The following WDR7 variants were observed in gnomAD, a reference collection of about 807,000 sequenced individuals.
WDR7 encodes the protein WD repeat domain 7, also known as WD repeat-containing protein 7.
In WDR7, 46 loss-of-function variants were observed where a neutral mutation model predicts 169.4. The observed-to-expected ratio is 0.27, with a 90% CI of 0.21 to 0.35. The LOEUF is 0.35. Ranked by LOEUF, WDR7 falls within the 10% of genes least tolerant of loss-of-function variation. The pLI is 1.00. For synonymous variants in WDR7, 612 were observed against 666.8 expected, an observed-to-expected ratio of 0.92 and a Z score of 1.27; for missense variants, 1,534 against 1,859.3, an observed-to-expected ratio of 0.83 and a Z score of 3.22.
At chr18:56,756,490 A>G in intron 14 of WDR7, 93 bp from the exon 15 acceptor site, 1 of 1,136,964 alleles carries the variant, frequency 8.8e-7, no homozygotes. Context: ...CTTAATAAGC[A>G]TGTTAATTCC....
chr18:56,938,449 T>C, intron 23 of WDR7, 84 bp from the exon 24 acceptor site: 2 of 1,524,320 alleles, frequency 1.3e-6, no homozygotes, highest in South Asian at 2.5e-5. Flanking sequence ...TTCTATAGTA[T>C]TAGAAAGTAA....
At chr18:56,693,774 G>A (rs2025633576) in intron 9 of WDR7, among the ~76,000 whole-genome samples, 1 of 151,948 alleles carries the variant, frequency 6.6e-6, no homozygotes, top group Non-Finnish European at 1.5e-5. Flanking sequence ...GTTTCACCAT[G>A]TTGGCCAGGC....
intron 25 of WDR7, among the ~76,000 whole-genome samples, chr18:56,944,372 G>C (rs1453197108): frequency 2.0e-5 from 3 of 152,072 alleles, no homozygotes; most frequent in Non-Finnish European, 2.9e-5. Context: ...ATTTCTCTAA[G>C]ATTTTCTTTA....
At chr18:56,725,751 T>A (rs1598993271) in intron 13 of WDR7, among the ~76,000 whole-genome samples, 5 of 152,294 alleles carry the variant, frequency 3.3e-5, no homozygotes, top group Admixed American at 2.6e-4. Context: ...CTGAATGGTA[T>A]TGCCTAGGTT....
chr18:56,957,315 A>C (rs1055320240), intron 25 of WDR7: 10 of 152,258 alleles, frequency 6.6e-5, no homozygotes, highest in Admixed American at 4.6e-4. Context: ...TTACTAGAGA[A>C]ATTGCTCTGA....
chr18:56,813,460 T>G (rs2044910452), intron 19 of WDR7, among the ~76,000 whole-genome samples: 1 of 125,668 alleles, frequency 8.0e-6, no homozygotes, highest in African/African-American at 4.5e-5. Flanking sequence ...TTCTTAGAGG[T>G]TTTTTTTTTC....
At chr18:56,992,523 A>G (rs1787462) in intron 26 of WDR7, among the ~76,000 whole-genome samples, 93,700 of 152,032 alleles carry the variant, frequency 0.62, 29,443 homozygotes, top group Middle Eastern at 0.73. Context: ...GGCCAAAAGT[A>G]GAAATTAACA....
chr18:56,999,537 G>T (rs989570397), intron 26 of WDR7, among the ~76,000 whole-genome samples: 4 of 152,042 alleles, frequency 2.6e-5, no homozygotes, highest in Admixed American at 6.6e-5. Context: ...TCTCCATGAT[G>T]TCAGCCCCTA....
At chr18:56,727,005 C>T (rs989304937) in intron 13 of WDR7, among the ~76,000 whole-genome samples, 16 of 152,024 alleles carry the variant, frequency 1.1e-4, no homozygotes, top group Admixed American at 8.5e-4. Flanking sequence ...CTTTCTTCAC[C>T]CTGGTAGTCT....
chr18:56,654,005 T>C (rs1391764883), intron 1 of WDR7, among the ~76,000 whole-genome samples: 1 of 152,220 alleles, frequency 6.6e-6, no homozygotes, highest in Non-Finnish European at 1.5e-5. Context: ...TTCCTTTATC[T>C]TTGTTTCCCC....
chr18:56,914,216 C>T (rs1028707728), intron 21 of WDR7, among the ~76,000 whole-genome samples: 3 of 152,192 alleles, frequency 2.0e-5, no homozygotes, highest in South Asian at 2.1e-4. Context: ...GATACTCACA[C>T]GATTCTCTTT....
In WDR7 at chr18:56,924,095, A is replaced by C. The variant is rs142408569; in HGVS notation, c.3700A>C (p.Lys1234Gln). Reference sequence around the variant, plus strand: ...TCTCGAACTTTGTGCCGATGCCGAGAAACAACTTGCCAAGTATGTGTGGAT... The same window carrying C: ...TCTCGAACTTTGTGCCGATGCCGAGCAACAACTTGCCAAGTATGTGTGGAT... ...GLLELCADAEKQLANITMGLP... is the reference protein window; with the variant it reads ...GLLELCADAEQQLANITMGLP... Residue 1234 changes from lysine (K) to glutamine (Q), a missense_variant, in exon 22 of 28, where the codon AAA becomes CAA. Transcript: ENST00000254442. The C allele has an allele frequency of 1.4e-5, 23 of 1,612,300 alleles. No homozygotes were observed. In the Admixed American group the frequency reaches 3.9e-4, roughly 27 times the overall value.
chr18:56,913,562 G>A (rs189605504), intron 21 of WDR7, among the ~76,000 whole-genome samples: 3 of 151,374 alleles, frequency 2.0e-5, no homozygotes, highest in Admixed American at 6.6e-5. Context: ...TTAGGTGGGA[G>A]GATCACTCAA....
At chr18:56,996,935 C>A (rs1422153921) in intron 26 of WDR7, among the ~76,000 whole-genome samples, 2 of 152,000 alleles carry the variant, frequency 1.3e-5, no homozygotes, top group African/African-American at 4.8e-5. Context: ...TAAAATTTAC[C>A]TGCAAATATA....
intron 14 of WDR7, among the ~76,000 whole-genome samples, chr18:56,745,502 C>G (rs953594001): frequency 1.3e-5 from 2 of 152,124 alleles, no homozygotes; most frequent in Non-Finnish European, 2.9e-5. Flanking sequence ...ATAAGGAACG[C>G]ACACTGTAAA....
chr18:56,839,921 G>T (rs1169961303), intron 20 of WDR7, among the ~76,000 whole-genome samples: 1 of 152,096 alleles, frequency 6.6e-6, no homozygotes, highest in African/African-American at 2.4e-5. Flanking sequence ...AATTAGCTGG[G>T]CATGGTGGCA....
rs1281133585 is a variant in WDR7 at position 56,716,280 on chromosome 18, A to C, written c.1579-1684A>C. Reference sequence around the variant, plus strand: ...AGTAAGCTTAAAACATGCTTAAGAAAATTCTATTAACGTTTTAATGAAGGT... The same window carrying C: ...AGTAAGCTTAAAACATGCTTAAGAACATTCTATTAACGTTTTAATGAAGGT... On this transcript the variant is annotated intron_variant, in intron 12 of 27. Coordinates refer to ENST00000254442, the MANE Select transcript of WDR7 (RefSeq NM_015285.3). Among the ~76,000 whole-genome samples, 4 of 152,240 alleles carry C rather than the reference A, an allele frequency of 2.6e-5. No homozygotes were observed. The East Asian group carries it at 5.8e-4, about 22-fold the overall frequency.
intron 22 of WDR7, among the ~76,000 whole-genome samples, chr18:56,926,327 T>G (rs2046807623): frequency 6.6e-6 from 1 of 152,238 alleles, no homozygotes; most frequent in Admixed American, 6.5e-5. Flanking sequence ...AGTGTTGGCT[T>G]CTGTTATTGC....
chr18:57,023,832 C>T (rs2048322714), intron 27 of WDR7, among the ~76,000 whole-genome samples: 1 of 152,140 alleles, frequency 6.6e-6, no homozygotes, highest in South Asian at 2.1e-4. Flanking sequence ...TTCAGAAATG[C>T]TGATAATAAA....
Sources: allele counts gnomAD v4.1 joint callset (sites outside exome capture counted in the v4.1 genomes callset), GRCh38; gene constraint gnomAD v4.1.1; transcripts MANE v1.5; gene names NCBI Gene and HGNC (gene_info 2026-07-23, HGNC 2026-07-21).